VMP1: variants seen among roughly 807,000 people sequenced by gnomAD.
The protein encoded by VMP1 is ectopic P-granules autophagy protein 3 homolog.
Under a neutral mutation model 56.0 loss-of-function variants are expected in VMP1, and 11 were observed. The observed-to-expected ratio is 0.20, with a 90% CI of 0.12 to 0.32. The LOEUF (loss-of-function observed/expected upper bound fraction) is 0.32, where lower values mean the gene tolerates loss of function less well. VMP1 is among the 10% of genes least tolerant of loss of function. The probability of loss-of-function intolerance (pLI) is 1.00; values close to 1 mark genes in which losing one functional copy is unlikely to be tolerated. For missense variants in VMP1, 296 were observed against 490.3 expected (o/e 0.60, Z 3.74); for synonymous variants, 149 against 165.0 (o/e 0.90, Z 0.74).
Position 59,726,913 on chromosome 17 carries a change from C to T in VMP1, c.-26-4508C>T, listed in dbSNP as rs116864412. Among the ~76,000 whole-genome samples the T allele has an allele frequency of 8.3e-3, 1,270 of 152,160 alleles. 7 individuals carry two copies. The highest frequency in any genetic ancestry group is 0.013 in the Non-Finnish European group (863 of 68,012). ...CTATGAACTGGTCTGAATATTTTGT[C>T]CTGTGAGCTCCGATAGTGCTTTCTA... is the stretch of plus-strand genomic sequence containing the variant. On this transcript the variant is annotated intron_variant, in intron 1 of 11. Coordinates refer to ENST00000262291, the MANE Select transcript of VMP1 (RefSeq NM_030938.5).
At chr17:59,837,294 T>C (rs1247169399) in intron 10 of VMP1, among the ~76,000 whole-genome samples, 1 of 152,168 alleles carries the variant, frequency 6.6e-6, no homozygotes, top group African/African-American at 2.4e-5. Flanking sequence ...CGGAATCTCT[T>C]TGGCTGGCTC....
chr17:59,735,232 A>G (rs2034974235), intron 2 of VMP1, 106 bp from the exon 3 acceptor site: 3 of 1,414,722 alleles, frequency 2.1e-6, no homozygotes, highest in East Asian at 2.4e-5. Context: ...AGGACTTGCT[A>G]TTAGTTGTTA....
chr17:59,738,164 T>C (rs2035086729), intron 4 of VMP1, among the ~76,000 whole-genome samples: 1 of 152,216 alleles, frequency 6.6e-6, no homozygotes, highest in Non-Finnish European at 1.5e-5. Context: ...AACATACTTT[T>C]GTGACCCATC....
chr17:59,792,885 T>A (rs34079854), intron 7 of VMP1, among the ~76,000 whole-genome samples: 50,792 of 84,084 alleles, frequency 0.6, 20,102 homozygotes, highest in East Asian at 0.87. Flanking sequence ...TAATTATTAT[T>A]ATTATTATCA....
Position 59,738,956 on chromosome 17 carries a change from AATTTT to A in VMP1, c.414+16_414+20del, listed in dbSNP as rs1298926980. 7 of 1,559,870 alleles carry A rather than the reference AATTTT, an allele frequency of 4.5e-6. No homozygotes were observed. In the Middle Eastern group the frequency reaches 8.5e-4, roughly 190 times the overall value. On this transcript the variant is annotated intron_variant, in intron 5 of 11. Transcript: ENST00000262291. Reference sequence around the variant, plus strand: ...CCTTTCTGCTTTATCTGGTAAGAATAATTTTATTTTAATAAGCAAAAATGATATTT... The same window carrying A: ...CCTTTCTGCTTTATCTGGTAAGAATAATTTTAATAAGCAAAAATGATATTT...
chr17:59,835,221 T>C (rs2038942335), intron 10 of VMP1, among the ~76,000 whole-genome samples: 1 of 149,344 alleles, frequency 6.7e-6, no homozygotes, highest in East Asian at 2.1e-4. Flanking sequence ...CTCCACTTCC[T>C]GGGTTCAAGC....
At chr17:59,830,919 G>A (rs896319232) in intron 10 of VMP1, among the ~76,000 whole-genome samples, 26 of 152,064 alleles carry the variant, frequency 1.7e-4, no homozygotes, top group Non-Finnish European at 3.7e-4. Flanking sequence ...AACCTCCTAG[G>A]AGGGCTCAAG....
At chr17:59,827,883 G>T (rs186012819) in intron 10 of VMP1, among the ~76,000 whole-genome samples, 1 of 151,926 alleles carries the variant, frequency 6.6e-6, no homozygotes, top group Non-Finnish European at 1.5e-5. Flanking sequence ...GCAGTGAGTC[G>T]TGTTTGTGCC....
intron 6 of VMP1, among the ~76,000 whole-genome samples, chr17:59,766,843 A>G (rs2665396): frequency 0.87 from 131,618 of 151,750 alleles, 57,294 homozygotes; most frequent in East Asian, 0.96. Context: ...GTGGTAGCGC[A>G]ATCTCGGCTC....
intron 5 of VMP1, among the ~76,000 whole-genome samples, chr17:59,740,789 G>A (rs1036536772): frequency 3.9e-5 from 6 of 152,210 alleles, no homozygotes; most frequent in Non-Finnish European, 1.5e-5. Context: ...ATACTTTTCT[G>A]TTCGTGTCTA....
At chr17:59,837,991 C>CT (rs1488979144) in intron 10 of VMP1, 2 of 229,554 alleles carry the variant, frequency 8.7e-6, no homozygotes, top group African/African-American at 4.6e-5. Flanking sequence ...ACTCTGAGGA[C>CT]TAACTCTTTT....
chr17:59,776,076 G>A (rs1267633805), intron 7 of VMP1, among the ~76,000 whole-genome samples: 1 of 152,046 alleles, frequency 6.6e-6, no homozygotes, highest in Non-Finnish European at 1.5e-5. Flanking sequence ...GCTGTATAGG[G>A]TGGTGCATTC....
chr17:59,759,773 A>G (rs1270535820), intron 5 of VMP1, among the ~76,000 whole-genome samples: 2 of 152,106 alleles, frequency 1.3e-5, no homozygotes, highest in Non-Finnish European at 2.9e-5. Context: ...GTAGTTATCA[A>G]TATGATTGGG....
At chr17:59,737,178 A>T (rs1219543032) in intron 3 of VMP1, among the ~76,000 whole-genome samples, 1 of 152,226 alleles carries the variant, frequency 6.6e-6, no homozygotes, top group African/African-American at 2.4e-5. Flanking sequence ...CTATTATACT[A>T]TAATGCTTCT....
At chr17:59,792,031 G>T (rs1333940631) in intron 7 of VMP1, among the ~76,000 whole-genome samples, 1 of 151,952 alleles carries the variant, frequency 6.6e-6, no homozygotes, top group African/African-American at 2.4e-5. Flanking sequence ...CAGCATTTTG[G>T]GATACTGAGG....
intron 1 of VMP1, among the ~76,000 whole-genome samples, chr17:59,709,906 C>A (rs1555610591): frequency 6.6e-6 from 1 of 151,972 alleles, no homozygotes; most frequent in Non-Finnish European, 1.5e-5. Flanking sequence ...AATAAGAAAC[C>A]TTATTATTGG....
chr17:59,752,419 A>G (rs935964000), intron 5 of VMP1, among the ~76,000 whole-genome samples: 1 of 152,174 alleles, frequency 6.6e-6, no homozygotes, highest in African/African-American at 2.4e-5. Flanking sequence ...GGATTTTTGT[A>G]TGACATCTGT....
intron 7 of VMP1, among the ~76,000 whole-genome samples, chr17:59,784,134 T>TGA (rs1163780957): frequency 7.1e-5 from 10 of 140,600 alleles, no homozygotes; most frequent in African/African-American, 2.9e-4. Flanking sequence ...TGTGTGTGTG[T>TGA]GTGTGTGTGA....
intron 7 of VMP1, among the ~76,000 whole-genome samples, chr17:59,774,277 T>C (rs2036539064): frequency 2.0e-5 from 3 of 152,100 alleles, no homozygotes; most frequent in African/African-American, 4.8e-5. Context: ...AAAGGACAGA[T>C]GTGGTGGCTC....
Sources: allele counts gnomAD v4.1 joint callset (sites outside exome capture counted in the v4.1 genomes callset), GRCh38; gene constraint gnomAD v4.1.1; transcripts MANE v1.5; gene names NCBI Gene and HGNC (gene_info 2026-07-23, HGNC 2026-07-21).